Variants in RARS1 observed in about 807,000 individuals in gnomAD.
RARS1 encodes the protein arginine--tRNA ligase, cytoplasmic.
In RARS1, 75 loss-of-function variants were observed where a neutral mutation model predicts 78.7. That is an observed-to-expected ratio of 0.95 (90% confidence interval 0.79 to 1.15). The LOEUF is 1.15. Ranked by LOEUF, RARS1 falls within the 50% of genes most tolerant of loss-of-function variation. The probability of loss-of-function intolerance (pLI) is 0.00; values close to 1 mark genes in which losing one functional copy is unlikely to be tolerated. For missense variants in RARS1, 787 were observed against 787.5 expected, an observed-to-expected ratio of 1.00 and a Z score of 0.01; for synonymous variants, 273 against 268.2, an observed-to-expected ratio of 1.02 and a Z score of -0.18.
rs766989633 is a variant in RARS1, at chr5:168,500,638, A to G, written c.870A>G (p.Ala290=). The G allele has an allele frequency of 5.0e-6, 8 of 1,607,158 alleles. No individual in the cohort carries two copies. The highest frequency in any genetic ancestry group is 6.8e-6 in the Non-Finnish European group (8 of 1,177,948). Residue 290 remains alanine, a synonymous_variant, in exon 8 of 15, where the codon GCA becomes GCG. Transcript: ENST00000231572. ...CTGAGGAGGAATTTAAGAAGCGAGCATATCAGTGTGTAGTTCTGCTCCAGG... is the reference window on the plus strand; with the variant it reads ...CTGAGGAGGAATTTAAGAAGCGAGCGTATCAGTGTGTAGTTCTGCTCCAGG... ...FDTEEEFKKR[A]YQCVVLLQGK...
At chr5:168,496,429 A>C (rs1758189330) in intron 6 of RARS1, among the ~76,000 whole-genome samples, 1 of 151,290 alleles carries the variant, frequency 6.6e-6, no homozygotes, top group Non-Finnish European at 1.5e-5. Flanking sequence ...TCCACTTGAA[A>C]GATGATCTGG....
At chr5:168,508,585 A>G (rs1255361312) in intron 11 of RARS1, among the ~76,000 whole-genome samples, 4 of 136,718 alleles carry the variant, frequency 2.9e-5, no homozygotes, top group African/African-American at 1.1e-4. Flanking sequence ...GTGCTACTGC[A>G]CTCCAGCGTG....
rs1369801811 is a variant in RARS1, at chr5:168,510,562, G to A, written c.1347-19G>A. On this transcript the variant is annotated intron_variant, in intron 11 of 14. Coordinates refer to ENST00000231572, the MANE Select transcript of RARS1 (RefSeq NM_002887.4). ...AAAAGTCTGTTTCAAAATCTGATTGGGGGTTTTACATTTTTTAGGAAAAAG... is the reference window on the plus strand; with the variant it reads ...AAAAGTCTGTTTCAAAATCTGATTGAGGGTTTTACATTTTTTAGGAAAAAG... 3 of 1,563,768 alleles carry A rather than the reference G, an allele frequency of 1.9e-6. No homozygotes were observed. The Admixed American group carries it at 5.4e-5, about 28-fold the overall frequency.
rs1426327526 is a variant in RARS1 at position 168,514,228 on chromosome 5, C to T, written c.1453-2550C>T. ...TTTTGTTTTTACCCTTTGGGGGCTG[C>T]CAAACTTCCTAAATCTGTGGGTTGA... On this transcript the variant is annotated intron_variant, in intron 12 of 14. Coordinates refer to ENST00000231572, the MANE Select transcript of RARS1 (RefSeq NM_002887.4). 2.0e-5 allele frequency among the ~76,000 whole-genome samples: 3 copies of T among 152,198 alleles called. No individual in the cohort carries two copies. The East Asian group carries it at 5.8e-4, about 29-fold the overall frequency.
chr5:168,507,172 T>C (rs913005528), intron 11 of RARS1, among the ~76,000 whole-genome samples: 19 of 152,230 alleles, frequency 1.2e-4, no homozygotes, highest in African/African-American at 4.3e-4. Context: ...ATGCATTTGA[T>C]AAATGTTTTT....
intron 11 of RARS1, among the ~76,000 whole-genome samples, 151 bp from the exon 12 acceptor site, chr5:168,510,428 CCT>C (rs1417880933): frequency 6.6e-6 from 1 of 152,118 alleles, no homozygotes; most frequent in Non-Finnish European, 1.5e-5. Flanking sequence ...TGGCATCAAC[CCT>C]CTCTTAATAG....
chr5:168,515,012 CT>C (rs1303589281), intron 12 of RARS1, among the ~76,000 whole-genome samples: 1 of 152,078 alleles, frequency 6.6e-6, no homozygotes, highest in Non-Finnish European at 1.5e-5. Flanking sequence ...GTTATACAGT[CT>C]TACAAGAATA....
intron 7 of RARS1, among the ~76,000 whole-genome samples, chr5:168,498,612 T>TTTTTCTA (rs1262460775): frequency 6.6e-6 from 1 of 152,218 alleles, no homozygotes; most frequent in Non-Finnish European, 1.5e-5. Context: ...TTTTTTTCTA[T>TTTTTCTA]TTTAGAGGTG....
intron 11 of RARS1, among the ~76,000 whole-genome samples, chr5:168,509,473 T>C (rs894094091): frequency 2.8e-5 from 4 of 140,698 alleles, no homozygotes; most frequent in South Asian, 2.6e-4. Context: ...GAAAATGATA[T>C]TATATCCTTG....
At chr5:168,502,759 A>T (rs1366973666) in intron 9 of RARS1, among the ~76,000 whole-genome samples, 1 of 151,474 alleles carries the variant, frequency 6.6e-6, no homozygotes, top group African/African-American at 2.4e-5. Context: ...TTTAATGGAG[A>T]CAGGGTTCCA....
intron 8 of RARS1, among the ~76,000 whole-genome samples, chr5:168,501,272 A>C (rs963816019): frequency 1.3e-5 from 2 of 152,254 alleles, no homozygotes; most frequent in African/African-American, 4.8e-5. Flanking sequence ...AAAATGTTTT[A>C]TAATTACAGT....
At position 168,492,837 on chromosome 5, in the gene RARS1, G is replaced by T; in HGVS notation, c.359G>T (p.Gly120Val). ...GACTATCAGTGTAATAGTGCTATGG[G>T]TATTTCTCAGGTGATGTATTGTCAT... ...FGDYQCNSAM[G>V]ISQMLKTKEQ... The change falls in exon 3 of 15, where the codon GGT becomes GTT. Residue 120 changes from glycine to valine, a missense_variant. Physicochemically the swap from Gly to Val is moderately radical, Grantham distance 109. Coordinates refer to ENST00000231572, the MANE Select transcript of RARS1 (RefSeq NM_002887.4). The T allele has an allele frequency of 6.2e-7, 1 of 1,602,310 alleles. No individual in the cohort carries two copies. Among genetic ancestry groups the T allele is most frequent in the Non-Finnish European group, 8.5e-7 (1 of 1,170,150 alleles).
chr5:168,509,438 ACCCCC>A (rs10533468), intron 11 of RARS1, among the ~76,000 whole-genome samples: 5 of 118,178 alleles, frequency 4.2e-5, no homozygotes, highest in Non-Finnish European at 5.2e-5. Context: ...TTTTTTAAAC[ACCCCC>A]CCCCCCCCAC....
At chr5:168,502,370 A>ATTGT (rs1758345200) in intron 9 of RARS1, among the ~76,000 whole-genome samples, 1 of 89,944 alleles carries the variant, frequency 1.1e-5, no homozygotes, top group Admixed American at 1.0e-4. Context: ...AAATATATAT[A>ATTGT]TATATATATA....
chr5:168,486,526 G>C lies in RARS1; in HGVS notation c.28G>C (p.Ala10Pro). ...GGACGTACTGGTGTCTGAGTGCTCC[G>C]CGCGGCTGCTGCAGCAGGTTTGGAC... MDVLVSECS[A>P]RLLQQEEEIK... The change falls in exon 1 of 15, where the codon GCG becomes CCG. Residue 10 changes from alanine to proline, a missense_variant. Physicochemically the swap from Ala to Pro is conservative, Grantham distance 27. Transcript: ENST00000231572. 1 of 1,558,944 alleles carries C rather than the reference G, an allele frequency of 6.4e-7. No homozygotes were observed. The highest frequency in any genetic ancestry group is 8.7e-7 in the Non-Finnish European group (1 of 1,150,590).
At chr5:168,512,641 T>C (rs568103948) in intron 12 of RARS1, among the ~76,000 whole-genome samples, 3 of 152,286 alleles carry the variant, frequency 2.0e-5, no homozygotes, top group South Asian at 2.1e-4. Flanking sequence ...ACTGAAGAAC[T>C]TGGAGTCAGA....
chr5:168,494,616 G>A lies in RARS1; in HGVS notation c.545G>A (p.Gly182Glu). 1 of 1,607,166 alleles carries A rather than the reference G, an allele frequency of 6.2e-7. No homozygotes were observed. Among genetic ancestry groups the A allele is most frequent in the Non-Finnish European group, 8.5e-7 (1 of 1,173,778 alleles). The change falls in exon 5 of 15, where the codon GGA (glycine) becomes GAA (glutamate). Residue 182 changes from glycine to glutamate, a missense_variant. Coordinates refer to ENST00000231572, the MANE Select transcript of RARS1 (RefSeq NM_002887.4). ...CAATTGACCAGTCTTCTAGTGAATG[G>A]AGTTCAACTACCTGCTCTGGGAGAG... ...SEQLTSLLVNGVQLPALGENK... is the reference protein window; with the variant it reads ...SEQLTSLLVNEVQLPALGENK...
Position 168,500,585 on chromosome 5 carries a change from A to G in RARS1, c.823-6A>G. 1 of 1,501,364 alleles carries G rather than the reference A, an allele frequency of 6.7e-7. No individual in the cohort carries two copies. The highest frequency in any genetic ancestry group is 2.7e-5 in the Admixed American group (1 of 37,126). The allele number at this position is 1,501,364 out of a possible 1,614,324, so 93.0% of individuals were successfully genotyped here. On this transcript the variant is annotated splice_polypyrimidine_tract_variant and splice_region_variant and intron_variant, in intron 7 of 14. Coordinates refer to ENST00000231572, the MANE Select transcript of RARS1 (RefSeq NM_002887.4). ...ACCTTACTTTTTAAAATATATATAT[A>G]TACAGGAATCTAAGAAGAGGTTTGA...
intron 11 of RARS1, among the ~76,000 whole-genome samples, chr5:168,507,267 T>C (rs1233301460): frequency 6.6e-6 from 1 of 152,258 alleles, no homozygotes; most frequent in Admixed American, 6.5e-5. Context: ...GGTTTTGTTA[T>C]GTTCTCTCCA....
Sources: allele counts gnomAD v4.1 joint callset (sites outside exome capture counted in the v4.1 genomes callset), GRCh38; gene constraint gnomAD v4.1.1; transcripts MANE v1.5; gene names NCBI Gene and HGNC (gene_info 2026-07-23, HGNC 2026-07-21).